The following TOPAZ1 variants were observed in gnomAD, a reference collection of about 807,000 sequenced individuals.
TOPAZ1 encodes the protein testis and ovary specific TOPAZ 1.
TOPAZ1 carries 66 observed loss-of-function variants against 172.2 expected under a neutral mutation model. The observed-to-expected ratio is 0.38, with a 90% CI of 0.31 to 0.47. The LOEUF (loss-of-function observed/expected upper bound fraction) is 0.47. Among genes scored for constraint, TOPAZ1 ranks in the 20% least tolerant of loss-of-function variants. The pLI is 0.99. For synonymous variants in TOPAZ1, 681 were observed against 683.9 expected, an observed-to-expected ratio of 1.00 and a Z score of 0.07; for missense variants, 1,822 against 1,972.4, an observed-to-expected ratio of 0.92 and a Z score of 1.44.
At chr3:44,269,163 A>G (rs929491326) in intron 6 of TOPAZ1, 53 bp from the exon 7 acceptor site, 12 of 974,502 alleles carry the variant, frequency 1.2e-5, no homozygotes, top group Non-Finnish European at 1.9e-5. Context: ...ATTGTTATGA[A>G]GAAAATAAGT....
chr3:44,269,407 T>C, intron 7 of TOPAZ1, 106 bp downstream of exon 7: 1 of 420,686 alleles, frequency 2.4e-6, no homozygotes, highest in Non-Finnish European at 4.5e-6. Flanking sequence ...TCTTTTATCC[T>C]CCCCTTAAAA....
At position 44,287,786 on chromosome 3, in the gene TOPAZ1, G is replaced by T; in HGVS notation, c.3628G>T (p.Ala1210Ser). The change falls in exon 11 of 20, where the codon GCA becomes TCA. Residue 1210 changes from alanine (A) to serine (S), a missense_variant. By Grantham distance (99) the Ala-to-Ser change is moderately conservative. This residue lies in a region of TOPAZ1 where 1,489 missense variants were observed against 1,490.8 expected (regional missense o/e 1.00). Coordinates refer to ENST00000309765, the MANE Select transcript of TOPAZ1 (RefSeq NM_001145030.2). ...KILLNIFEYVATMKLRNAVPA... is the reference protein window; with the variant it reads ...KILLNIFEYVSTMKLRNAVPA... The stretch of plus-strand genomic sequence containing the variant: ...ATTACTAAACATATTTGAGTATGTG[G>T]CAACTATGAAATTAAGGAATGCTGT... 1 of 1,512,038 alleles carries T rather than the reference G, an allele frequency of 6.6e-7. No homozygotes were observed. 93.7% of individuals were successfully genotyped at this position (1,512,038 alleles called of 1,614,324 possible).
chr3:44,257,381 G>GTGTGTGTGTGTT (rs1368287989), intron 4 of TOPAZ1, among the ~76,000 whole-genome samples: 188 of 136,952 alleles, frequency 1.4e-3, no homozygotes, highest in African/African-American at 5.3e-3. Flanking sequence ...GTGTGTGTGT[G>GTGTGTGTGTGTT]TGTGTGTGTG....
intron 2 of TOPAZ1, among the ~76,000 whole-genome samples, chr3:44,254,398 C>T (rs1452513706): frequency 6.6e-6 from 1 of 152,018 alleles, no homozygotes; most frequent in African/African-American, 2.4e-5. Context: ...GAGTCCAAGG[C>T]CAATGGATCA....
chr3:44,244,922 A>G lies in TOPAZ1; in HGVS notation c.2416A>G (p.Asn806Asp). Residue 806 changes from asparagine (N) to aspartate (D), a missense_variant, in exon 2 of 20, where the codon AAT (asparagine) becomes GAT (aspartate). Asn to Asp is a conservative substitution (Grantham distance 23). Transcript: ENST00000309765. ...KEVASLTVEN[N>D]AFSCDPGYVE... Reference sequence around the variant, plus strand: ...AGTTGCTTCTCTCACAGTTGAAAATAATGCTTTTTCTTGTGATCCTGGGTA... The same window carrying G: ...AGTTGCTTCTCTCACAGTTGAAAATGATGCTTTTTCTTGTGATCCTGGGTA... 1.3e-6 allele frequency: 2 copies of G among 1,551,714 alleles called. No homozygotes were observed. Among genetic ancestry groups the G allele is most frequent in the Non-Finnish European group, 1.7e-6 (2 of 1,146,990 alleles).
chr3:44,257,646 C>A (rs1699730244), intron 4 of TOPAZ1, among the ~76,000 whole-genome samples: 1 of 151,074 alleles, frequency 6.6e-6, no homozygotes, highest in South Asian at 2.1e-4. Context: ...TTTTTAACTT[C>A]TTATTTTGAA....
chr3:44,332,688 T>G (rs937102845), downstream of TOPAZ1, among the ~76,000 whole-genome samples: 1 of 152,198 alleles, frequency 6.6e-6, no homozygotes, highest in African/African-American at 2.4e-5. Context: ...TATCACATTC[T>G]CCAAGGTGGT....
intron 16 of TOPAZ1, among the ~76,000 whole-genome samples, chr3:44,317,400 A>G (rs1417510680): frequency 6.6e-6 from 1 of 152,180 alleles, no homozygotes; most frequent in Non-Finnish European, 1.5e-5. Flanking sequence ...CAGCCTGGGC[A>G]AGAGAGCAAG....
At chr3:44,313,072 A>G (rs1700412494) in intron 16 of TOPAZ1, among the ~76,000 whole-genome samples, 1 of 152,178 alleles carries the variant, frequency 6.6e-6, no homozygotes, top group African/African-American at 2.4e-5. Context: ...TTTCTATCTT[A>G]TAAATAGACA....
intron 9 of TOPAZ1, among the ~76,000 whole-genome samples, 197 bp downstream of exon 9, chr3:44,282,228 C>T (rs577341475): frequency 1.3e-5 from 2 of 152,300 alleles, no homozygotes; most frequent in Non-Finnish European, 2.9e-5. Flanking sequence ...CACTGTCATT[C>T]CCTTACACAT....
intron 2 of TOPAZ1, among the ~76,000 whole-genome samples, chr3:44,246,256 G>C (rs1488973338): frequency 7.5e-6 from 1 of 133,432 alleles, no homozygotes; most frequent in Admixed American, 7.1e-5. Context: ...AATCTATTCT[G>C]TTTGGCCCCA....
intron 2 of TOPAZ1, among the ~76,000 whole-genome samples, chr3:44,250,243 C>CAAAAAAAAAAAAA (rs35079686): frequency 2.7e-5 from 3 of 110,798 alleles, no homozygotes; most frequent in Middle Eastern, 5.3e-3. Flanking sequence ...CATGAAATGA[C>CAAAAAAAAAAAAA]AAAAAAAAAA....
chr3:44,255,670 T>TATATACACACACACAC (rs1202865847), intron 3 of TOPAZ1, among the ~76,000 whole-genome samples: 1 of 46,380 alleles, frequency 2.2e-5, no homozygotes, highest in African/African-American at 7.1e-5. Context: ...AAAATATATA[T>TATATACACACACACAC]ACACACACAC....
At chr3:44,336,060 C>T (rs1446538703), downstream of TOPAZ1, among the ~76,000 whole-genome samples, 2 of 152,180 alleles carry the variant, frequency 1.3e-5, no homozygotes, top group Non-Finnish European at 2.9e-5. Flanking sequence ...ATACTTTGTA[C>T]CCACAATTAG....
intron 15 of TOPAZ1, among the ~76,000 whole-genome samples, chr3:44,307,910 A>C (rs2125700604): frequency 6.6e-6 from 1 of 152,260 alleles, no homozygotes; most frequent in Non-Finnish European, 1.5e-5. Flanking sequence ...AAGGTTGGTC[A>C]TAGCATTAAT....
chr3:44,336,610 T>TCTCGCCCTCACC (rs1199817059), downstream of TOPAZ1, among the ~76,000 whole-genome samples: 2 of 152,202 alleles, frequency 1.3e-5, no homozygotes, highest in African/African-American at 4.8e-5. Flanking sequence ...TTGCCCTTGC[T>TCTCGCCCTCACC]CTCGCCCTCA....
intron 18 of TOPAZ1, among the ~76,000 whole-genome samples, chr3:44,323,573 G>T (rs555485926): frequency 6.6e-6 from 1 of 152,272 alleles, no homozygotes; most frequent in East Asian, 1.9e-4. Context: ...CAAATGACAG[G>T]ATAGAACCAG....
chr3:44,322,247 C>T (rs568039094), intron 17 of TOPAZ1, among the ~76,000 whole-genome samples: 77 of 152,280 alleles, frequency 5.1e-4, no homozygotes, highest in African/African-American at 1.8e-3. Flanking sequence ...TCTAAGATGA[C>T]TTCTCTTTCT....
Position 44,328,411 on chromosome 3 carries a change from A to G in TOPAZ1, c.4837A>G (p.Ile1613Val). 6.6e-7 allele frequency: 1 copy of G among 1,510,050 alleles called. No homozygotes were observed. The highest frequency in any genetic ancestry group is 8.8e-7 in the Non-Finnish European group (1 of 1,133,696). The allele number at this position is 1,510,050 out of a possible 1,614,324, so 93.5% of individuals were successfully genotyped here. ...TCAGAGTCCTGGAACTTCTACACAG[A>G]TACTGCAGATAGTTTTGAAAAGGTT... ...SIQSPGTSTQ[I>V]LQIVLKRCED... The change falls in exon 19 of 20, where the codon ATA (isoleucine) becomes GTA (valine). Residue 1613 changes from isoleucine to valine, a missense_variant. Physicochemically the swap from Ile to Val is conservative, Grantham distance 29. Around this residue, in one of 2 missense-constraint regions of TOPAZ1, gnomAD observed 333 missense variants for 481.7 expected, o/e 0.69. Transcript: ENST00000309765.
Sources: allele counts gnomAD v4.1 joint callset (sites outside exome capture counted in the v4.1 genomes callset), GRCh38; gene constraint gnomAD v4.1.1; regional missense constraint gnomAD v4.1.1; transcripts MANE v1.5; gene names NCBI Gene and HGNC (gene_info 2026-07-23, HGNC 2026-07-21).